Variants in NUMB observed in about 807,000 individuals in gnomAD.
The protein encoded by NUMB is NUMB endocytic adaptor protein.
A neutral mutation model predicts 59.7 loss-of-function variants in NUMB; 29 were observed. That is an observed-to-expected ratio of 0.49 (90% CI 0.36 to 0.66). The LOEUF is 0.66. Ranked by LOEUF, NUMB falls within the 30% of genes least tolerant of loss-of-function variation. The pLI is 0.00. For synonymous variants in NUMB, 288 were observed against 288.2 expected, an observed-to-expected ratio of 1.00 and a Z score of 0.01; for missense variants, 723 against 822.0, an observed-to-expected ratio of 0.88 and a Z score of 1.47.
chr14:73,432,712 C>T (rs576324249), intron 1 of NUMB, among the ~76,000 whole-genome samples: 1 of 152,224 alleles, frequency 6.6e-6, no homozygotes, highest in South Asian at 2.1e-4. Context: ...GACACCAAAT[C>T]AGAAGTGGAG....
At chr14:73,430,151 A>T (rs974223484) in intron 1 of NUMB, among the ~76,000 whole-genome samples, 4 of 151,034 alleles carry the variant, frequency 2.6e-5, no homozygotes, top group African/African-American at 9.7e-5. Flanking sequence ...TATTTTATAT[A>T]TTTTAAATAT....
intron 8 of NUMB, among the ~76,000 whole-genome samples, chr14:73,292,101 C>A (rs181575358): frequency 6.6e-6 from 1 of 152,088 alleles, no homozygotes; most frequent in African/African-American, 2.4e-5. Context: ...TGTAATGGCA[C>A]GATGACTCAC....
chr14:73,334,236 G>A (rs1442839378), intron 4 of NUMB, among the ~76,000 whole-genome samples: 1 of 152,058 alleles, frequency 6.6e-6, no homozygotes, highest in African/African-American at 2.4e-5. Context: ...GATCCCATTT[G>A]TTGCTATTTT....
At chr14:73,346,268 T>C (rs983444249) in intron 4 of NUMB, among the ~76,000 whole-genome samples, 1 of 151,928 alleles carries the variant, frequency 6.6e-6, no homozygotes, top group African/African-American at 2.4e-5. Context: ...TCACCTGAGG[T>C]CGGGAGTTCG....
At chr14:73,437,060 TTTG>T (rs1411587351) in intron 1 of NUMB, among the ~76,000 whole-genome samples, 4,509 of 132,252 alleles carry the variant, frequency 0.034, 319 homozygotes, top group African/African-American at 0.13. Context: ...TTTTTTTTTT[TTTG>T]TTGAGACAGG....
At position 73,431,016 on chromosome 14, in the gene NUMB, T is replaced by C. The variant is rs1357731373; in HGVS notation, c.-232-20948A>G. On this transcript the variant is annotated intron_variant, in intron 1 of 12. Coordinates refer to ENST00000555238, the MANE Select transcript of NUMB (RefSeq NM_001005743.2). ...GTCTGTCACCTAAGCTGGAGTACAGTAGCGCAATCTTGGCTCACTGCAACC... is the reference window on the plus strand; with the variant it reads ...GTCTGTCACCTAAGCTGGAGTACAGCAGCGCAATCTTGGCTCACTGCAACC... Among the ~76,000 whole-genome samples, 3 of 152,110 alleles carry C rather than the reference T, an allele frequency of 2.0e-5. 1 individual carries two copies. Among genetic ancestry groups the C allele is most frequent in the South Asian group, 4.2e-4 (2 of 4,814 alleles).
At chr14:73,318,430 T>C (rs879755100) in intron 5 of NUMB, among the ~76,000 whole-genome samples, 1 of 152,082 alleles carries the variant, frequency 6.6e-6, no homozygotes, top group Non-Finnish European at 1.5e-5. Context: ...AAATAGTGAA[T>C]AAAAAACCAA....
At chr14:73,397,892 CCTT>C (rs59422799) in intron 2 of NUMB, among the ~76,000 whole-genome samples, 23,737 of 152,094 alleles carry the variant, frequency 0.16, 2,659 homozygotes, top group Non-Finnish European at 0.23. Context: ...ACTGCACTCT[CCTT>C]CTGTGTTAAC....
At chr14:73,416,797 G>A (rs543322562) in intron 1 of NUMB, among the ~76,000 whole-genome samples, 15 of 152,116 alleles carry the variant, frequency 9.9e-5, no homozygotes, top group Non-Finnish European at 1.8e-4. Flanking sequence ...AATACAGACA[G>A]CAGGCAGGGA....
At chr14:73,332,313 G>C (rs540251597) in intron 4 of NUMB, among the ~76,000 whole-genome samples, 2 of 151,780 alleles carry the variant, frequency 1.3e-5, no homozygotes, top group Non-Finnish European at 2.9e-5. Context: ...GAGTTCAGTG[G>C]CATGATCTCA....
chr14:73,317,353 G>C (rs1891140646), intron 5 of NUMB, among the ~76,000 whole-genome samples: 2 of 152,198 alleles, frequency 1.3e-5, no homozygotes, highest in South Asian at 2.1e-4. Flanking sequence ...TCAGGATGGA[G>C]TGCAGTGGCA....
chr14:73,432,718 T>C (rs953994790), intron 1 of NUMB, among the ~76,000 whole-genome samples: 1 of 152,030 alleles, frequency 6.6e-6, no homozygotes, highest in African/African-American at 2.4e-5. Context: ...AAATCAGAAG[T>C]GGAGGAGACA....
rs572090395 is a variant in NUMB, at chr14:73,302,069, C to T, written c.235-4784G>A. Among the ~76,000 whole-genome samples the T allele has an allele frequency of 7.9e-5, 12 of 151,706 alleles. No individual in the cohort carries two copies. In the South Asian group the frequency reaches 1.7e-3, roughly 21 times the overall value. On this transcript the variant is annotated intron_variant, in intron 6 of 12. Transcript: ENST00000555238. Reference sequence around the variant, plus strand: ...CTGCACTCCTGCCTGGGTGACACAGCGAGACTCCATCTCAAAAATAAAAAA... The same window carrying T: ...CTGCACTCCTGCCTGGGTGACACAGTGAGACTCCATCTCAAAAATAAAAAA...
chr14:73,336,661 AG>A (rs1892332820), intron 4 of NUMB, among the ~76,000 whole-genome samples: 1 of 152,216 alleles, frequency 6.6e-6, no homozygotes, highest in Admixed American at 6.5e-5. Flanking sequence ...AGGAAGACAG[AG>A]CCTTGCCAAA....
intron 9 of NUMB, 140 bp from the exon 10 acceptor site, chr14:73,284,514 G>T: frequency 3.0e-6 from 2 of 676,712 alleles, no homozygotes; most frequent in Non-Finnish European, 2.5e-6. Context: ...TTAGAAGCAG[G>T]GTTCGGATCC....
At chr14:73,348,256 G>T (rs1288254671) in intron 4 of NUMB, among the ~76,000 whole-genome samples, 3 of 152,188 alleles carry the variant, frequency 2.0e-5, no homozygotes, top group Admixed American at 2.0e-4. Flanking sequence ...GTATATAAGT[G>T]TATGAGTTGG....
chr14:73,277,405 G>T, intron 12 of NUMB, 112 bp from the exon 13 acceptor site: 2 of 870,480 alleles, frequency 2.3e-6, no homozygotes, highest in Non-Finnish European at 3.4e-6. Flanking sequence ...CCCCCTAATG[G>T]GACATTTTGT....
chr14:73,332,885 T>C (rs1157695334), intron 4 of NUMB, among the ~76,000 whole-genome samples: 1 of 152,034 alleles, frequency 6.6e-6, no homozygotes, highest in Non-Finnish European at 1.5e-5. Flanking sequence ...CTGGCTTATT[T>C]TACCTAGCAT....
intron 1 of NUMB, among the ~76,000 whole-genome samples, chr14:73,419,594 TGAA>T (rs1897275456): frequency 6.6e-6 from 1 of 151,954 alleles, no homozygotes; most frequent in East Asian, 1.9e-4. Flanking sequence ...CCCAGAAAAC[TGAA>T]GAATAAACTA....
Sources: allele counts gnomAD v4.1 joint callset (sites outside exome capture counted in the v4.1 genomes callset), GRCh38; gene constraint gnomAD v4.1.1; transcripts MANE v1.5; gene names NCBI Gene and HGNC (gene_info 2026-07-23, HGNC 2026-07-21).